The following DLG5 variants were observed in gnomAD, a reference collection of about 807,000 sequenced individuals.
DLG5 encodes disks large homolog 5.
A neutral mutation model predicts 189.8 loss-of-function variants in DLG5; 48 were observed. The ratio of observed to expected loss-of-function variants is 0.25; its 90% confidence interval spans 0.20 to 0.32. The LOEUF is 0.32. Ranked by LOEUF, DLG5 falls within the 10% of genes least tolerant of loss-of-function variation. The pLI is 1.00. For synonymous variants in DLG5, 1,016 were observed against 1,054.1 expected (o/e 0.96, Z 0.70); for missense variants, 2,160 against 2,544.7 (o/e 0.85, Z 3.25).
chr10:77,906,937 T>G (rs1025017319), intron 1 of DLG5, among the ~76,000 whole-genome samples: 2 of 152,062 alleles, frequency 1.3e-5, no homozygotes, highest in African/African-American at 4.8e-5. Context: ...AGAGCTCCAC[T>G]TTTTTATTTG....
At chr10:77,912,526 GAACAT>G (rs1846253434) in intron 1 of DLG5, 3 of 151,450 alleles carry the variant, frequency 2.0e-5, no homozygotes, top group Non-Finnish European at 4.4e-5. Flanking sequence ...AGGACTACAG[GAACAT>G]GCCAGCATGC....
intron 1 of DLG5, among the ~76,000 whole-genome samples, chr10:77,889,978 G>C (rs1254067179): frequency 6.6e-6 from 1 of 152,098 alleles, no homozygotes; most frequent in East Asian, 1.9e-4. Flanking sequence ...GAGATATACT[G>C]AAGTCAGTTC....
At chr10:77,814,459 G>GTT (rs1354813115) in intron 20 of DLG5, among the ~76,000 whole-genome samples, 887 of 74,520 alleles carry the variant, frequency 0.012, 12 homozygotes, top group East Asian at 0.043. Context: ...AATAAAGCAT[G>GTT]TTTATATATA....
At chr10:77,931,906 G>A in the DLG5 span, among the ~76,000 whole-genome samples, 94 of 152,272 alleles carry the variant, frequency 6.2e-4, no homozygotes, top group Admixed American at 1.5e-3. Flanking sequence ...TCACCCTTTG[G>A]TAGGGTTATT....
intron 27 of DLG5, among the ~76,000 whole-genome samples, chr10:77,800,290 C>A (rs1251913039): frequency 6.6e-6 from 1 of 152,180 alleles, no homozygotes; most frequent in Non-Finnish European, 1.5e-5. Flanking sequence ...TGAGAAATAT[C>A]TTTTTGAAGG....
At chr10:77,923,574 C>T (rs1044182038) in intron 1 of DLG5, among the ~76,000 whole-genome samples, 3 of 152,134 alleles carry the variant, frequency 2.0e-5, no homozygotes, top group African/African-American at 7.2e-5. Context: ...TCCTAGACAA[C>T]ATGGAGAAAT....
In DLG5 at chr10:77,796,093, T is replaced by A; in HGVS notation, c.5404A>T (p.Thr1802Ser). Residue 1802 changes from threonine (T) to serine (S), a missense_variant, in exon 29 of 32, where the codon ACT becomes TCT. Thr to Ser is a moderately conservative substitution (Grantham distance 58). Coordinates refer to ENST00000372391, the MANE Select transcript of DLG5 (RefSeq NM_004747.4). This position sits in a 1 kb window ranked among gnomAD's most constrained non-coding sequence, Gnocchi z 5.2. ...KRRSGHFDVT[T>S]VASIKEITEK... ...GTGATCTCCTTTATTGACGCCACAG[T>A]GGTCACATCGAAATGGCCGCTTCTC... 2 of 1,614,226 alleles carry A rather than the reference T, an allele frequency of 1.2e-6. No individual in the cohort carries two copies. The highest frequency in any genetic ancestry group is 1.7e-6 in the Non-Finnish European group (2 of 1,180,036).
In DLG5 at chr10:77,821,744, G is replaced by T. The variant is rs750921859; in HGVS notation, c.2740C>A (p.Arg914=). 1 of 1,608,728 alleles carries T rather than the reference G, an allele frequency of 6.2e-7. No individual in the cohort carries two copies. Among genetic ancestry groups the T allele is most frequent in the East Asian group, 2.2e-5 (1 of 44,770 alleles). Residue 914 remains arginine (R), a synonymous_variant, in exon 15 of 32, where the codon CGG becomes AGG. Transcript: ENST00000372391. ...TCGGTCTCAAAGGGCAGCAGTGGCC[G>T]CCGGCCACGCACGTCCACCAGCCCA... ...GFGLVDVRGR[R]PLLPFETEVG...
At chr10:77,804,949 C>G (rs1841396785) in intron 27 of DLG5, among the ~76,000 whole-genome samples, 1 of 152,176 alleles carries the variant, frequency 6.6e-6, no homozygotes, top group African/African-American at 2.4e-5. Context: ...GCCAGCAATG[C>G]ACCCAGCTAA....
chr10:77,908,216 C>T (rs1240168932), intron 1 of DLG5, among the ~76,000 whole-genome samples: 1 of 152,216 alleles, frequency 6.6e-6, no homozygotes, highest in Non-Finnish European at 1.5e-5. Context: ...TATTTCCAAA[C>T]ATCCCCACTG....
chr10:77,817,108 T>A lies in DLG5; in HGVS notation c.3785-12A>T. On this transcript the variant is annotated splice_polypyrimidine_tract_variant and intron_variant, in intron 18 of 31. Coordinates refer to ENST00000372391, the MANE Select transcript of DLG5 (RefSeq NM_004747.4). ...GTTACTCGAAGAACCTATTGTTCCA[T>A]AAGGGAACAAAACTTCAGGCCTCAT... The A allele has an allele frequency of 5.0e-6, 8 of 1,613,974 alleles. No individual in the cohort carries two copies. The highest frequency in any genetic ancestry group is 6.8e-6 in the Non-Finnish European group (8 of 1,179,844).
intron 1 of DLG5, among the ~76,000 whole-genome samples, chr10:77,919,075 G>C (rs1846457937): frequency 6.6e-6 from 1 of 152,086 alleles, no homozygotes; most frequent in Non-Finnish European, 1.5e-5. Flanking sequence ...AATTAGCCGG[G>C]GGTGATGGCA....
intron 1 of DLG5, among the ~76,000 whole-genome samples, chr10:77,876,338 G>C (rs1367874442): frequency 6.7e-6 from 1 of 150,256 alleles, no homozygotes; most frequent in East Asian, 2.0e-4. Flanking sequence ...AGGAGTTCAA[G>C]ACCAGCCTGG....
At chr10:77,864,594 C>T (rs1387811791) in intron 2 of DLG5, among the ~76,000 whole-genome samples, 1 of 152,242 alleles carries the variant, frequency 6.6e-6, no homozygotes, top group Non-Finnish European at 1.5e-5. Flanking sequence ...CCCACTGAAT[C>T]AGAAACCCTG....
chr10:77,868,219 C>T (rs2154577027), intron 2 of DLG5: 1 of 416,706 alleles, frequency 2.4e-6, no homozygotes, highest in Non-Finnish European at 4.9e-6. Flanking sequence ...TGGAACTCGC[C>T]GGCTGGTCAC....
In DLG5 at chr10:77,796,320, G is replaced by A; in HGVS notation, c.5308+131C>T. On this transcript the variant is annotated intron_variant, in intron 28 of 31. Transcript: ENST00000372391. This position sits in a 1 kb window ranked among gnomAD's most constrained non-coding sequence, Gnocchi z 5.2. ...CCATGCATGAATCTGACCCATGTCA[G>A]CAGGCTTCTGGAACACTGTGAAATC... The A allele has an allele frequency of 1.3e-6, 2 of 1,581,946 alleles. No homozygotes were observed. The highest frequency in any genetic ancestry group is 4.5e-5 in the East Asian group (2 of 44,438).
chr10:77,896,032 C>A (rs142512044), intron 1 of DLG5, among the ~76,000 whole-genome samples: 6 of 152,048 alleles, frequency 3.9e-5, no homozygotes, highest in African/African-American at 1.4e-4. Flanking sequence ...TGGTGATGCA[C>A]GCCTGTAATC....
intron 24 of DLG5, among the ~76,000 whole-genome samples, chr10:77,809,251 T>C (rs1038193348): frequency 2.0e-5 from 3 of 150,382 alleles, no homozygotes; most frequent in African/African-American, 7.4e-5. Flanking sequence ...ACTGAAAATA[T>C]AAAAATTAGC....
upstream of DLG5, among the ~76,000 whole-genome samples, chr10:77,931,023 T>C (rs1173143799): frequency 3.3e-5 from 5 of 151,838 alleles, no homozygotes; most frequent in Admixed American, 2.0e-4. Context: ...TTTCTCCATG[T>C]TGGTCAGGCT....
Sources: gnomAD v4.1 joint callset for allele counts (sites outside exome capture counted in the v4.1 genomes callset) on GRCh38, gnomAD v4.1.1 for gene constraint, Gnocchi (gnomAD v3.1) non-coding constraint, MANE v1.5 for transcripts, NCBI Gene and HGNC (gene_info 2026-07-23, HGNC 2026-07-21) for gene names.